CLSTN2: variants seen among roughly 807,000 people sequenced by gnomAD.
The protein encoded by CLSTN2 is calsyntenin-2.
In CLSTN2, 48 loss-of-function variants were observed where a neutral mutation model predicts 101.2. The observed-to-expected ratio is 0.47, with a 90% CI of 0.38 to 0.60. The LOEUF (loss-of-function observed/expected upper bound fraction) is 0.60, where lower values mean the gene tolerates loss of function less well. Ranked by LOEUF, CLSTN2 falls within the 20% of genes least tolerant of loss-of-function variation. CLSTN2 has a pLI of 0.00. For missense variants in CLSTN2, 1,160 were observed against 1,238.2 expected (o/e 0.94, Z 0.95); for synonymous variants, 481 against 463.6 (o/e 1.04, Z -0.48).
chr3:140,267,102 G>T (rs1404738875), intron 2 of CLSTN2, among the ~76,000 whole-genome samples: 1 of 152,130 alleles, frequency 6.6e-6, no homozygotes, highest in East Asian at 1.9e-4. Flanking sequence ...CCTTAGGTGG[G>T]TGAAGAATGG....
intron 2 of CLSTN2, among the ~76,000 whole-genome samples, chr3:140,278,917 C>T (rs1387754233): frequency 6.6e-6 from 1 of 152,104 alleles, no homozygotes; most frequent in Admixed American, 6.5e-5. Flanking sequence ...GACAGGGTCT[C>T]ACTATGTTTC....
At chr3:140,405,241 T>TTC (rs2088290215) in intron 4 of CLSTN2, among the ~76,000 whole-genome samples, 1 of 151,918 alleles carries the variant, frequency 6.6e-6, no homozygotes, top group South Asian at 2.1e-4. Context: ...GGATTTTTTT[T>TTC]TTTGAGATGG....
intron 2 of CLSTN2, among the ~76,000 whole-genome samples, chr3:140,332,474 T>C (rs760935523): frequency 2.0e-5 from 3 of 152,186 alleles, no homozygotes; most frequent in Non-Finnish European, 2.9e-5. Context: ...ATGGTAGAAA[T>C]TTCAATAATT....
chr3:140,150,007 G>T (rs546153956), intron 1 of CLSTN2, among the ~76,000 whole-genome samples: 1 of 152,070 alleles, frequency 6.6e-6, no homozygotes, highest in East Asian at 1.9e-4. Context: ...ATGATTTTTC[G>T]GACAGCTGGA....
chr3:140,348,868 C>G (rs576358218), intron 2 of CLSTN2, among the ~76,000 whole-genome samples: 14 of 152,330 alleles, frequency 9.2e-5, no homozygotes, highest in African/African-American at 3.1e-4. Flanking sequence ...GGCAGTCTCT[C>G]CCCTGTTCTC....
chr3:139,988,924 G>A (rs568657846), intron 1 of CLSTN2, among the ~76,000 whole-genome samples: 2 of 152,308 alleles, frequency 1.3e-5, no homozygotes, highest in South Asian at 4.1e-4. Context: ...TAAGCCGAAG[G>A]ACAGAGTGTG....
At chr3:140,242,470 C>A (rs749731255) in intron 2 of CLSTN2, among the ~76,000 whole-genome samples, 2 of 152,118 alleles carry the variant, frequency 1.3e-5, no homozygotes, top group Admixed American at 1.3e-4. Context: ...CATATTGGAG[C>A]CCTGGTGTGC....
At chr3:140,318,583 T>C (rs1286884099) in intron 2 of CLSTN2, among the ~76,000 whole-genome samples, 2 of 152,172 alleles carry the variant, frequency 1.3e-5, no homozygotes, top group Admixed American at 6.5e-5. Context: ...CTGTGCAAAG[T>C]TTGCTACTGC....
intron 1 of CLSTN2, among the ~76,000 whole-genome samples, chr3:140,001,866 G>A (rs1375125066): frequency 6.6e-6 from 1 of 152,058 alleles, no homozygotes; most frequent in Non-Finnish European, 1.5e-5. Flanking sequence ...AAGTGGGAAC[G>A]TGTGATGTTT....
chr3:140,133,027 G>A (rs146082520), intron 1 of CLSTN2, among the ~76,000 whole-genome samples: 1,599 of 152,278 alleles, frequency 0.011, 25 homozygotes, highest in African/African-American at 0.033. Context: ...TAAAAAAGAG[G>A]TTTATTTGCC....
intron 2 of CLSTN2, among the ~76,000 whole-genome samples, chr3:140,332,457 T>C (rs1483350514): frequency 1.3e-5 from 2 of 152,374 alleles, no homozygotes; most frequent in East Asian, 3.9e-4. Context: ...TTGCTTATCA[T>C]TGGCAAATGG....
At chr3:140,530,010 AC>A (rs1935221670) in intron 8 of CLSTN2, among the ~76,000 whole-genome samples, 1 of 152,240 alleles carries the variant, frequency 6.6e-6, no homozygotes, top group Non-Finnish European at 1.5e-5. Flanking sequence ...GCAGAAAAAA[AC>A]ATTGATAATA....
At position 140,240,174 on chromosome 3, in the gene CLSTN2, C is replaced by CTATATA. The variant is rs1226140178; in HGVS notation, c.232+64122_232+64127dup. Among the ~76,000 whole-genome samples the CTATATA allele has an allele frequency of 4.0e-3, 53 of 13,298 alleles. 2 individuals carry two copies. The highest frequency in any genetic ancestry group is 9.3e-3 in the Non-Finnish European group (26 of 2,798). 8.7% of individuals were successfully genotyped at this position (13,298 alleles called of 152,430 possible). A position where few individuals can be genotyped will look rare whatever the true frequency, so the allele number is the denominator to read the frequency against. ...TCTGTCTCTCTCTCTCTCTCTCTCTCTATATATATATATATATATATATAT... is the reference window on the plus strand; with the variant it reads ...TCTGTCTCTCTCTCTCTCTCTCTCTCTATATATATATATATATATATATATATATAT... On this transcript the variant is annotated intron_variant, in intron 2 of 16. Coordinates refer to ENST00000458420, the MANE Select transcript of CLSTN2 (RefSeq NM_022131.3).
At chr3:140,002,700 G>A (rs1223384853) in intron 1 of CLSTN2, among the ~76,000 whole-genome samples, 2 of 152,102 alleles carry the variant, frequency 1.3e-5, no homozygotes, top group Non-Finnish European at 2.9e-5. Flanking sequence ...TGAGGTCATA[G>A]ATTTTTAAGT....
At chr3:140,521,850 G>C (rs1402690081) in intron 8 of CLSTN2, among the ~76,000 whole-genome samples, 1 of 152,188 alleles carries the variant, frequency 6.6e-6, no homozygotes, top group Non-Finnish European at 1.5e-5. Flanking sequence ...TAACTTGTAA[G>C]GTGCCGTTGA....
chr3:140,134,081 T>C (rs1378028148), intron 1 of CLSTN2, among the ~76,000 whole-genome samples: 1 of 152,160 alleles, frequency 6.6e-6, no homozygotes, highest in African/African-American at 2.4e-5. Context: ...GGGAAACTGT[T>C]TGTACTTAGA....
At chr3:140,491,159 C>A (rs1013120761) in intron 8 of CLSTN2, among the ~76,000 whole-genome samples, 1 of 152,206 alleles carries the variant, frequency 6.6e-6, no homozygotes, top group African/African-American at 2.4e-5. Context: ...TTCTCTGTCT[C>A]CTGGCCAGTC....
chr3:140,321,807 T>C (rs746493139), intron 2 of CLSTN2, among the ~76,000 whole-genome samples: 16 of 152,158 alleles, frequency 1.1e-4, no homozygotes, highest in Non-Finnish European at 1.6e-4. Flanking sequence ...TTTTCCCCCA[T>C]TTCTGCTATT....
At chr3:140,088,726 C>T (rs1317155) in intron 1 of CLSTN2, among the ~76,000 whole-genome samples, 11,335 of 152,192 alleles carry the variant, frequency 0.074, 473 homozygotes, top group East Asian at 0.16. Flanking sequence ...ATCTGCACAA[C>T]GGATGTGGTG....
Sources: allele counts gnomAD v4.1 joint callset (sites outside exome capture counted in the v4.1 genomes callset), GRCh38; gene constraint gnomAD v4.1.1; transcripts MANE v1.5; gene names NCBI Gene and HGNC (gene_info 2026-07-23, HGNC 2026-07-21).